Variants in FHAD1 observed in about 807,000 individuals in gnomAD.
The protein encoded by FHAD1 is forkhead associated phosphopeptide binding domain 1, also known as forkhead-associated domain-containing protein 1.
A neutral mutation model predicts 191.3 loss-of-function variants in FHAD1; 146 were observed. The ratio of observed to expected loss-of-function variants is 0.76; its 90% CI spans 0.67 to 0.88. The LOEUF is 0.88. FHAD1 is among the 40% of genes least tolerant of loss of function. FHAD1 has a pLI of 0.00. For missense variants in FHAD1, 1,635 were observed against 1,785.8 expected, an observed-to-expected ratio of 0.92 and a Z score of 1.52; for synonymous variants, 616 against 672.3, an observed-to-expected ratio of 0.92 and a Z score of 1.29.
chr1:15,331,429 TGGAC>T (rs1364441059), intron 14 of FHAD1, among the ~76,000 whole-genome samples: 5 of 135,022 alleles, frequency 3.7e-5, no homozygotes, highest in African/African-American at 1.4e-4. Flanking sequence ...GATGGATGGA[TGGAC>T]GGACGGGTGG....
chr1:15,383,256 C>A, intron 31 of FHAD1: 1 of 469,112 alleles, frequency 2.1e-6, no homozygotes. Flanking sequence ...GTCGTCATAC[C>A]TCAGGAGCCA....
chr1:15,345,027 G>A (rs544861636), intron 16 of FHAD1, 56 bp from the exon 17 acceptor site: 10 of 1,380,040 alleles, frequency 7.2e-6, no homozygotes, highest in African/African-American at 5.7e-5. Context: ...GCCTGGCAGC[G>A]TCCAAATTCC....
intron 33 of FHAD1, among the ~76,000 whole-genome samples, chr1:15,394,116 A>G (rs998013531): frequency 1.3e-5 from 2 of 152,332 alleles, no homozygotes; most frequent in Middle Eastern, 3.4e-3. Flanking sequence ...AAATATCTCA[A>G]GTGGAATCTG....
At chr1:15,324,037 ACACTTATAGAGC>A (rs1677321166) in intron 10 of FHAD1, among the ~76,000 whole-genome samples, 2 of 152,192 alleles carry the variant, frequency 1.3e-5, no homozygotes, top group Non-Finnish European at 2.9e-5. Context: ...AACATCTAAC[ACACTTATAGAGC>A]CCTTACGAAG....
rs753326995 is a variant in FHAD1 at position 15,289,559 on chromosome 1, G to A, written c.461G>A (p.Arg154Lys). ...MQRSWSQAFP[R>K]PTVVLPASHR... ...AGGAGCTGGTCCCAGGCCTTTCCCA[G>A]ACCCACCGTGGTCCTGCCGGCCTCC... The change falls in exon 4 of 34, where the codon AGA becomes AAA. Residue 154 changes from arginine (R) to lysine (K), a missense_variant. Physicochemically the swap from Arg to Lys is conservative, Grantham distance 26 (BLOSUM62 2). Coordinates refer to ENST00000688493, the MANE Select transcript of FHAD1 (RefSeq NM_001391957.1). The surrounding 1 kb of genome is among the most constrained non-coding windows in gnomAD (Gnocchi z 4.2). 1.2e-5 allele frequency: 19 copies of A among 1,551,748 alleles called. No homozygotes were observed. In the South Asian group the frequency reaches 2.3e-4, roughly 18 times the overall value.
At chr1:15,322,316 T>C (rs77410273) in intron 10 of FHAD1, among the ~76,000 whole-genome samples, 3,039 of 152,330 alleles carry the variant, frequency 0.02, 75 homozygotes, top group African/African-American at 0.059. Context: ...GGACTCAGCA[T>C]TTTGCCAAAC....
At position 15,290,188 on chromosome 1, in the gene FHAD1, C is replaced by T. The variant is rs530422308; in HGVS notation, c.568+522C>T. ...AGTCCCATTTAAAGGCTGGTGAGCT[C>T]GGTGACAGCCCACTCACAACCTGGT... On this transcript the variant is annotated intron_variant, in intron 4 of 33. Transcript: ENST00000688493. Among the ~76,000 whole-genome samples the T allele has an allele frequency of 7.2e-5, 11 of 152,294 alleles. 1 individual carries two copies. The East Asian group carries it at 9.6e-4, about 13-fold the overall frequency.
intron 23 of FHAD1, among the ~76,000 whole-genome samples, chr1:15,364,921 A>C (rs2102731660): frequency 6.6e-6 from 1 of 152,222 alleles, no homozygotes; most frequent in South Asian, 2.1e-4. Context: ...AACCATCCTG[A>C]GTCTCAGGGC....
chr1:15,338,853 T>G (rs1476244302), intron 14 of FHAD1, among the ~76,000 whole-genome samples: 1 of 152,160 alleles, frequency 6.6e-6, no homozygotes, highest in African/African-American at 2.4e-5. Flanking sequence ...TCTTTCGGAC[T>G]GAACTGTAAG....
At chr1:15,360,389 T>TA in intron 21 of FHAD1, 89 bp from the exon 22 acceptor site, 1 of 1,186,416 alleles carries the variant, frequency 8.4e-7, no homozygotes, top group African/African-American at 1.5e-5. Flanking sequence ...GGGCCCAGTT[T>TA]AGCACCTATG....
chr1:15,360,314 A>G (rs1490790672), intron 21 of FHAD1, among the ~76,000 whole-genome samples, 164 bp from the exon 22 acceptor site: 1 of 152,242 alleles, frequency 6.6e-6, no homozygotes, highest in Non-Finnish European at 1.5e-5. Flanking sequence ...GGAGTTGGCC[A>G]TGCAAGGAGC....
At chr1:15,351,753 G>C (rs1690956198) in intron 19 of FHAD1, among the ~76,000 whole-genome samples, 1 of 151,980 alleles carries the variant, frequency 6.6e-6, no homozygotes. Context: ...AGCTCTCCAG[G>C]GCACAGATTG....
At chr1:15,385,240 C>CA (rs1701852587) in intron 31 of FHAD1, among the ~76,000 whole-genome samples, 1 of 151,904 alleles carries the variant, frequency 6.6e-6, no homozygotes, top group Non-Finnish European at 1.5e-5. Context: ...GTTTAGGCAG[C>CA]AGCTGCTCCC....
intron 26 of FHAD1, among the ~76,000 whole-genome samples, chr1:15,370,738 C>T (rs778106841): frequency 3.5e-4 from 53 of 152,300 alleles, no homozygotes; most frequent in South Asian, 1.0e-3. Context: ...CCCGATGATC[C>T]GCAGCATGCA....
chr1:15,344,587 T>A (rs183078070), intron 16 of FHAD1, among the ~76,000 whole-genome samples: 1 of 152,294 alleles, frequency 6.6e-6, no homozygotes, highest in East Asian at 1.9e-4. Context: ...CAGACCAGAT[T>A]TGGTCTGTAA....
At chr1:15,249,281 G>T (rs1646479125) in intron 1 of FHAD1, among the ~76,000 whole-genome samples, 1 of 137,360 alleles carries the variant, frequency 7.3e-6, no homozygotes, top group South Asian at 2.4e-4. Flanking sequence ...AAACATCGGG[G>T]GGAAGAGCTA....
intron 14 of FHAD1, among the ~76,000 whole-genome samples, chr1:15,331,393 T>G (rs1331592459): frequency 7.0e-6 from 1 of 143,780 alleles, no homozygotes; most frequent in East Asian, 2.0e-4. Flanking sequence ...GAAGAAAGGA[T>G]GGATGGAAGC....
rs773867393 is a variant in FHAD1 at position 15,345,440 on chromosome 1, GAGA to G, written c.2268_2270del (p.Lys756del). ...GGCTTTGGCGAAAAGCATTACCCAG[GAGA>G]AGAACAGAGTGAAGGAAGCATTAGA... On this transcript the variant is annotated inframe_deletion, in exon 18 of 34. Coordinates refer to ENST00000688493, the MANE Select transcript of FHAD1 (RefSeq NM_001391957.1). The G allele has an allele frequency of 1.7e-5, 26 of 1,552,340 alleles. No homozygotes were observed. The highest frequency in any genetic ancestry group is 3.9e-5 in the Admixed American group (2 of 51,006).
At position 15,303,922 on chromosome 1, in the gene FHAD1, C is replaced by A. The variant is rs188443875; in HGVS notation, c.915+2481C>A. 2.9e-4 allele frequency among the ~76,000 whole-genome samples: 44 copies of A among 152,048 alleles called. 1 individual carries two copies. The highest frequency in any genetic ancestry group is 2.7e-3 in the Admixed American group (41 of 15,294). On this transcript the variant is annotated intron_variant, in intron 6 of 33. Coordinates refer to ENST00000688493, the MANE Select transcript of FHAD1 (RefSeq NM_001391957.1). ...ACTCCTCCCCCCACTTTGATCTTGGCTCATAATTGAAAGATGATACTTTAT... is the reference window on the plus strand; with the variant it reads ...ACTCCTCCCCCCACTTTGATCTTGGATCATAATTGAAAGATGATACTTTAT...
Sources: gnomAD v4.1 joint callset for allele counts (sites outside exome capture counted in the v4.1 genomes callset) on GRCh38, gnomAD v4.1.1 for gene constraint, Gnocchi (gnomAD v3.1) non-coding constraint, MANE v1.5 for transcripts, NCBI Gene and HGNC (gene_info 2026-07-23, HGNC 2026-07-21) for gene names.